The following LRRC4C variants were observed in gnomAD, a reference collection of about 807,000 sequenced individuals.
LRRC4C encodes the protein leucine rich repeat containing 4C, also known as leucine-rich repeat-containing protein 4C.
Under a neutral mutation model 33.6 loss-of-function variants are expected in LRRC4C, and 5 were observed. The observed-to-expected ratio is 0.15, with a 90% CI of 0.08 to 0.31. The LOEUF (loss-of-function observed/expected upper bound fraction) is 0.31. Ranked by LOEUF, LRRC4C falls within the 10% of genes least tolerant of loss-of-function variation. The probability of loss-of-function intolerance (pLI) is 1.00; values close to 1 mark genes in which losing one functional copy is unlikely to be tolerated. For synonymous variants in LRRC4C, 329 were observed against 302.0 expected (o/e 1.09, Z -0.93); for missense variants, 560 against 796.7 (o/e 0.70, Z 3.58).
intron 2 of LRRC4C, among the ~76,000 whole-genome samples, chr11:40,696,066 T>A (rs1257224926): frequency 7.1e-6 from 1 of 140,126 alleles, no homozygotes; most frequent in East Asian, 2.1e-4. Flanking sequence ...TGTGTATATA[T>A]GAGTGTGTAT....
chr11:40,446,872 G>C (rs1264028792), intron 3 of LRRC4C: 1 of 152,124 alleles, frequency 6.6e-6, no homozygotes, highest in Non-Finnish European at 1.5e-5. Context: ...ACCTCCAACT[G>C]GTCCCTCCCT....
chr11:41,275,899 A>C (rs1013163926), intron 1 of LRRC4C, among the ~76,000 whole-genome samples: 1 of 152,220 alleles, frequency 6.6e-6, no homozygotes, highest in African/African-American at 2.4e-5. Flanking sequence ...ACAAACGTAT[A>C]CACATGCATA....
chr11:40,596,379 G>T (rs1046009622), intron 3 of LRRC4C, among the ~76,000 whole-genome samples: 7 of 151,950 alleles, frequency 4.6e-5, no homozygotes, highest in African/African-American at 1.7e-4. Flanking sequence ...TACAGGCACA[G>T]AATATATAAT....
intron 2 of LRRC4C, among the ~76,000 whole-genome samples, chr11:40,728,899 C>A (rs1947422549): frequency 7.3e-6 from 1 of 136,724 alleles, no homozygotes; most frequent in Admixed American, 8.3e-5. Context: ...CCAAATAGTG[C>A]ATATTCCTAA....
chr11:40,620,073 AAAG>A (rs1962300723), intron 3 of LRRC4C, among the ~76,000 whole-genome samples: 1 of 151,172 alleles, frequency 6.6e-6, no homozygotes, highest in Non-Finnish European at 1.5e-5. Context: ...AAAAAAAAAA[AAAG>A]AATGAGCCGA....
chr11:41,426,261 A>G (rs1955039444), intron 1 of LRRC4C: 1 of 152,174 alleles, frequency 6.6e-6, no homozygotes, highest in South Asian at 2.1e-4. Flanking sequence ...CTTCTAACAT[A>G]AACTATAGCT....
intron 2 of LRRC4C, among the ~76,000 whole-genome samples, chr11:40,843,878 C>A (rs988549969): frequency 1.3e-5 from 2 of 152,112 alleles, no homozygotes; most frequent in African/African-American, 4.8e-5. Flanking sequence ...ATAGTTCAGA[C>A]AACAGTGGTT....
chr11:40,677,222 C>G (rs748901322), intron 2 of LRRC4C, among the ~76,000 whole-genome samples: 8 of 152,040 alleles, frequency 5.3e-5, no homozygotes, highest in Non-Finnish European at 1.2e-4. Flanking sequence ...TCTGTCCCTA[C>G]TAAAAATACA....
chr11:40,681,773 G>A (rs2136333578), intron 2 of LRRC4C, among the ~76,000 whole-genome samples: 1 of 152,206 alleles, frequency 6.6e-6, no homozygotes, highest in Non-Finnish European at 1.5e-5. Flanking sequence ...CCATAAAAAG[G>A]AATGAATTAA....
At chr11:40,981,186 C>T (rs1852494480) in intron 1 of LRRC4C, among the ~76,000 whole-genome samples, 2 of 152,052 alleles carry the variant, frequency 1.3e-5, no homozygotes, top group Admixed American at 1.3e-4. Flanking sequence ...GAGGCCGAGA[C>T]GGGTGGATCA....
chr11:40,402,203 G>A (rs1274734557), intron 3 of LRRC4C, among the ~76,000 whole-genome samples: 1 of 152,016 alleles, frequency 6.6e-6, no homozygotes, highest in Admixed American at 6.6e-5. Flanking sequence ...TTCATTGTGT[G>A]TTTGTATTTT....
rs542188528 is a variant in LRRC4C at position 40,732,777 on chromosome 11, T to G, written c.-406-84499A>C. Among the ~76,000 whole-genome samples the G allele has an allele frequency of 2.6e-5, 4 of 152,298 alleles. No individual in the cohort carries two copies. The East Asian group carries it at 7.7e-4, about 29-fold the overall frequency. ...TAAAGTGCACATTAAAAACCCCAAC[T>G]ACCAGGGTTGTTTTGAATGCTAAAT... is the stretch of plus-strand genomic sequence containing the variant. On this transcript the variant is annotated intron_variant, in intron 2 of 6. Coordinates refer to ENST00000528697, the MANE Select transcript of LRRC4C (RefSeq NM_001258419.2).
intron 3 of LRRC4C, among the ~76,000 whole-genome samples, chr11:40,596,917 A>G (rs1959384800): frequency 6.6e-6 from 1 of 152,178 alleles, no homozygotes; most frequent in South Asian, 2.1e-4. Context: ...TGGTACATAT[A>G]CCCATGGAAT....
intron 5 of LRRC4C, among the ~76,000 whole-genome samples, chr11:40,180,541 A>C (rs1410702813): frequency 1.3e-5 from 2 of 152,194 alleles, no homozygotes; most frequent in East Asian, 3.9e-4. Flanking sequence ...GCACTGAGGG[A>C]CTACATAAAA....
intron 1 of LRRC4C, among the ~76,000 whole-genome samples, chr11:41,334,267 G>C (rs904530432): frequency 6.6e-6 from 1 of 152,150 alleles, no homozygotes; most frequent in Non-Finnish European, 1.5e-5. Flanking sequence ...CTTTGAACTC[G>C]TCAGTTCAAG....
intron 1 of LRRC4C, among the ~76,000 whole-genome samples, chr11:41,340,138 T>C (rs1951582152): frequency 6.6e-6 from 1 of 152,184 alleles, no homozygotes; most frequent in Non-Finnish European, 1.5e-5. Flanking sequence ...TTCGCTCATC[T>C]TTTTTACAGA....
intron 1 of LRRC4C, among the ~76,000 whole-genome samples, chr11:41,371,280 G>A (rs76567663): frequency 3.5e-4 from 54 of 152,252 alleles, no homozygotes; most frequent in African/African-American, 7.2e-4. Flanking sequence ...GGAAACTCCC[G>A]CTTAGACCGA....
chr11:40,293,572 G>C (rs905157272), intron 4 of LRRC4C: 20 of 151,340 alleles, frequency 1.3e-4, no homozygotes, highest in Admixed American at 8.5e-4. Context: ...GGACAGACAG[G>C]GTGGTAGGCA....
intron 5 of LRRC4C, among the ~76,000 whole-genome samples, chr11:40,189,486 T>G (rs537654020): frequency 3.9e-5 from 6 of 152,272 alleles, no homozygotes; most frequent in African/African-American, 1.4e-4. Flanking sequence ...TTTCTTCAAC[T>G]GTAGAAAAGC....
Sources: gnomAD v4.1 joint callset for allele counts (sites outside exome capture counted in the v4.1 genomes callset) on GRCh38, gnomAD v4.1.1 for gene constraint, MANE v1.5 for transcripts, NCBI Gene and HGNC (gene_info 2026-07-23, HGNC 2026-07-21) for gene names.